Variants in SLC8A1 observed in about 807,000 individuals in gnomAD.
The protein encoded by SLC8A1 is sodium/calcium exchanger 1.
In SLC8A1, 18 loss-of-function variants were observed where a neutral mutation model predicts 68.3. The observed-to-expected ratio is 0.26, with a 90% confidence interval of 0.18 to 0.39. The LOEUF (loss-of-function observed/expected upper bound fraction) is 0.39, where lower values mean the gene tolerates loss of function less well. SLC8A1 is among the 10% of genes least tolerant of loss of function. The pLI is 1.00. For synonymous variants in SLC8A1, 475 were observed against 415.5 expected (o/e 1.14, Z -1.74); for missense variants, 985 against 1,156.7 (o/e 0.85, Z 2.15).
At chr2:40,192,378 T>A (rs992703217) in intron 2 of SLC8A1, among the ~76,000 whole-genome samples, 6 of 152,126 alleles carry the variant, frequency 3.9e-5, no homozygotes, top group African/African-American at 1.4e-4. Context: ...TTTTTTACAT[T>A]TATATAACTA....
intron 5 of SLC8A1, among the ~76,000 whole-genome samples, chr2:40,163,639 A>C (rs1196221679): frequency 6.6e-6 from 1 of 152,166 alleles, no homozygotes; most frequent in African/African-American, 2.4e-5. Flanking sequence ...ATGGGGGTCT[A>C]ATGATCGGGG....
At chr2:40,420,607 C>A (rs1368625816) in intron 2 of SLC8A1, among the ~76,000 whole-genome samples, 3 of 152,172 alleles carry the variant, frequency 2.0e-5, no homozygotes, top group Non-Finnish European at 4.4e-5. Flanking sequence ...ATTAAGCATT[C>A]CCTTGCCTCT....
chr2:40,251,526 T>G (rs951252234), intron 2 of SLC8A1: 1 of 152,240 alleles, frequency 6.6e-6, no homozygotes, highest in East Asian at 1.9e-4. Flanking sequence ...CACATCTTAG[T>G]AAATCACCTG....
rs185511215 is a variant in SLC8A1, at chr2:40,132,359, T to G, written c.2437+7042A>C. On this transcript the variant is annotated intron_variant, in intron 7 of 7. Transcript: ENST00000406785. ...TTTCTTCATGTAACATGAGGATACTTGTATTCACTCTCCTATAAGCTATTA... is the reference window on the plus strand; with the variant it reads ...TTTCTTCATGTAACATGAGGATACTGGTATTCACTCTCCTATAAGCTATTA... 2.0e-5 allele frequency among the ~76,000 whole-genome samples: 3 copies of G among 152,168 alleles called. No homozygotes were observed. The East Asian group carries it at 5.8e-4, about 29-fold the overall frequency.
intron 1 of SLC8A1, among the ~76,000 whole-genome samples, chr2:40,491,494 T>A (rs1705313429): frequency 6.6e-6 from 1 of 152,130 alleles, no homozygotes; most frequent in Non-Finnish European, 1.5e-5. Context: ...CCTGCCTAAT[T>A]GCCCTGGCCA....
intron 2 of SLC8A1, among the ~76,000 whole-genome samples, chr2:40,310,757 T>G (rs2149304365): frequency 6.6e-6 from 1 of 152,258 alleles, no homozygotes; most frequent in East Asian, 1.9e-4. Context: ...AGAATACATT[T>G]TCCACAATAG....
At chr2:40,391,247 T>C (rs1685179738) in intron 2 of SLC8A1, among the ~76,000 whole-genome samples, 1 of 151,860 alleles carries the variant, frequency 6.6e-6, no homozygotes, top group South Asian at 2.1e-4. Context: ...CACTCACAAA[T>C]AATTAAGTAA....
intron 2 of SLC8A1, among the ~76,000 whole-genome samples, chr2:40,300,189 C>T (rs549793365): frequency 1.3e-5 from 2 of 152,222 alleles, no homozygotes; most frequent in African/African-American, 2.4e-5. Flanking sequence ...ACAGTTGGGG[C>T]TTGATTCCCC....
At chr2:40,409,288 G>A (rs768352709) in intron 2 of SLC8A1, among the ~76,000 whole-genome samples, 8 of 151,798 alleles carry the variant, frequency 5.3e-5, no homozygotes, top group Non-Finnish European at 8.8e-5. Context: ...TTTTCCTACG[G>A]GAAAAAACAA....
At chr2:40,235,641 G>A (rs942841731) in intron 2 of SLC8A1, among the ~76,000 whole-genome samples, 18 of 151,944 alleles carry the variant, frequency 1.2e-4, no homozygotes, top group African/African-American at 4.4e-4. Context: ...CCTTCTGCTA[G>A]CTTTTGAATG....
At chr2:40,128,125 C>A (rs190912662) in intron 7 of SLC8A1, among the ~76,000 whole-genome samples, 1 of 152,174 alleles carries the variant, frequency 6.6e-6, no homozygotes, top group South Asian at 2.1e-4. Context: ...ATGCCAAGCA[C>A]CATGATTTCA....
intron 2 of SLC8A1, among the ~76,000 whole-genome samples, chr2:40,259,657 A>G (rs2064422628): frequency 6.6e-6 from 1 of 151,962 alleles, no homozygotes; most frequent in Non-Finnish European, 1.5e-5. Flanking sequence ...CTTTATACCC[A>G]TAAGAGAACC....
intron 2 of SLC8A1, among the ~76,000 whole-genome samples, chr2:40,417,225 G>A (rs147997099): frequency 0.012 from 1,866 of 152,068 alleles, 38 homozygotes; most frequent in African/African-American, 0.042. Context: ...TAGGTAAACT[G>A]CATGTCATGG....
intron 2 of SLC8A1, among the ~76,000 whole-genome samples, chr2:40,339,254 A>G (rs986568785): frequency 1.3e-5 from 2 of 152,218 alleles, no homozygotes; most frequent in African/African-American, 4.8e-5. Context: ...CATATGCTTC[A>G]TGTCAGATCA....
At chr2:40,123,969 A>G (rs1220921731) in intron 7 of SLC8A1, among the ~76,000 whole-genome samples, 1 of 152,108 alleles carries the variant, frequency 6.6e-6, no homozygotes, top group African/African-American at 2.4e-5. Context: ...CTTTCAGTTA[A>G]TCCTCTTTGC....
intron 2 of SLC8A1, among the ~76,000 whole-genome samples, chr2:40,290,614 A>G (rs1226431161): frequency 6.6e-6 from 1 of 152,184 alleles, no homozygotes; most frequent in African/African-American, 2.4e-5. Flanking sequence ...AGAAAAATGG[A>G]TATTTTAAAA....
intron 2 of SLC8A1, among the ~76,000 whole-genome samples, chr2:40,413,820 T>C (rs1025266775): frequency 4.6e-5 from 7 of 152,172 alleles, no homozygotes; most frequent in African/African-American, 9.7e-5. Flanking sequence ...CTTGGATAAA[T>C]ATAACATAAA....
At chr2:40,431,319 C>T (rs1486534511) in intron 1 of SLC8A1, among the ~76,000 whole-genome samples, 2 of 151,734 alleles carry the variant, frequency 1.3e-5, no homozygotes, top group Admixed American at 6.6e-5. Flanking sequence ...TTCAAGTGAC[C>T]AAAAAATGCA....
intron 7 of SLC8A1, among the ~76,000 whole-genome samples, chr2:40,135,010 T>C (rs946759590): frequency 6.6e-5 from 10 of 152,192 alleles, no homozygotes; most frequent in African/African-American, 1.4e-4. Context: ...TGAGATGTAA[T>C]TGAAGACAAA....
Sources: gnomAD v4.1 joint callset for allele counts (sites outside exome capture counted in the v4.1 genomes callset) on GRCh38, gnomAD v4.1.1 for gene constraint, MANE v1.5 for transcripts, NCBI Gene and HGNC (gene_info 2026-07-23, HGNC 2026-07-21) for gene names.